Variants in PDZRN4 observed in about 807,000 individuals in gnomAD.
The protein encoded by PDZRN4 is PDZ domain containing ring finger 4, also known as PDZ domain-containing RING finger protein 4.
PDZRN4 carries 70 observed loss-of-function variants against 99.0 expected under a neutral mutation model. The ratio of observed to expected loss-of-function variants is 0.71; its 90% confidence interval spans 0.58 to 0.86. PDZRN4 has a LOEUF of 0.86. Among genes scored for constraint, PDZRN4 ranks in the 40% least tolerant of loss-of-function variants. PDZRN4 has a pLI of 0.00. For missense variants in PDZRN4, 1,474 were observed against 1,331.2 expected (o/e 1.11, Z -1.67); for synonymous variants, 551 against 501.6 (o/e 1.10, Z -1.32).
At position 41,567,825 on chromosome 12, in the gene PDZRN4, G is replaced by C. The variant is rs761677318; in HGVS notation, c.1510G>C (p.Glu504Gln). The C allele has an allele frequency of 6.2e-7, 1 of 1,613,554 alleles. No individual in the cohort carries two copies. Among genetic ancestry groups the C allele is most frequent in the Non-Finnish European group, 8.5e-7 (1 of 1,179,668 alleles). Residue 504 changes from glutamate to glutamine, a missense_variant, in exon 9 of 10, where the codon GAG (glutamate) becomes CAG (glutamine). Coordinates refer to ENST00000402685, the MANE Select transcript of PDZRN4 (RefSeq NM_001164595.2). ...WLEDERNEFL[E>Q]ELNLEMLEEE... ...GGAAGATGAAAGGAATGAATTCTTA[G>C]AGGAGTTAAACTTGGAGATGTTGGA...
At chr12:41,304,748 A>G (rs141516473) in intron 3 of PDZRN4, among the ~76,000 whole-genome samples, 1 of 152,338 alleles carries the variant, frequency 6.6e-6, no homozygotes, top group African/African-American at 2.4e-5. Flanking sequence ...CAAACAAATC[A>G]TTTCAATAGA....
chr12:41,567,717 A>G, intron 8 of PDZRN4, 66 bp from the exon 9 acceptor site: 2 of 962,646 alleles, frequency 2.1e-6, no homozygotes, highest in East Asian at 2.7e-5. Context: ...CGGCCATTTA[A>G]GTTTACTCTA....
intron 3 of PDZRN4, among the ~76,000 whole-genome samples, chr12:41,389,940 G>A (rs1388890150): frequency 6.6e-6 from 1 of 152,138 alleles, no homozygotes; most frequent in Admixed American, 6.6e-5. Flanking sequence ...CCAGTCTTAA[G>A]CACTTTGGGA....
chr12:41,481,410 C>T lies in PDZRN4; in HGVS notation c.844-25046C>T, dbSNP rs565883835. Among the ~76,000 whole-genome samples the T allele has an allele frequency of 4.6e-3, 702 of 152,210 alleles. 8 individuals carry two copies. Among genetic ancestry groups the T allele is most frequent in the African/African-American group, 0.016 (665 of 41,548 alleles). Reference sequence around the variant, plus strand: ...ACTTCTTTGCTCAAAACCCTCCTGCCAAACAACCAAGTCCAGCTTATTAAC... The same window carrying T: ...ACTTCTTTGCTCAAAACCCTCCTGCTAAACAACCAAGTCCAGCTTATTAAC... On this transcript the variant is annotated intron_variant, in intron 3 of 9. Transcript: ENST00000402685.
chr12:41,539,071 A>T (rs553627132), intron 5 of PDZRN4, among the ~76,000 whole-genome samples: 1 of 152,014 alleles, frequency 6.6e-6, no homozygotes, highest in African/African-American at 2.4e-5. Context: ...TGCACATGCA[A>T]TTATGCCAAT....
At chr12:41,557,085 A>C (rs1180218059) in intron 7 of PDZRN4, among the ~76,000 whole-genome samples, 4 of 138,222 alleles carry the variant, frequency 2.9e-5, no homozygotes, top group Non-Finnish European at 6.1e-5. Flanking sequence ...CGGGAGACAG[A>C]GGTTGCAGTG....
At chr12:41,410,244 G>T (rs12318761) in intron 3 of PDZRN4, among the ~76,000 whole-genome samples, 1 of 151,998 alleles carries the variant, frequency 6.6e-6, no homozygotes, top group East Asian at 1.9e-4. Flanking sequence ...GTCATGTCTC[G>T]CCTTCTTTAG....
intron 3 of PDZRN4, chr12:41,459,942 T>A: frequency 3.2e-6 from 4 of 1,268,176 alleles, no homozygotes; most frequent in Non-Finnish European, 4.1e-6. Flanking sequence ...AAAATGACCT[T>A]TGTTTCAGGA....
chr12:41,379,382 T>C (rs971508958), intron 3 of PDZRN4, among the ~76,000 whole-genome samples: 1 of 150,268 alleles, frequency 6.7e-6, no homozygotes, highest in Non-Finnish European at 1.5e-5. Flanking sequence ...TAATAAATAA[T>C]ACTTTATTTT....
At chr12:41,217,415 T>G (rs1404597761) in intron 3 of PDZRN4, among the ~76,000 whole-genome samples, 1 of 152,026 alleles carries the variant, frequency 6.6e-6, no homozygotes, top group Non-Finnish European at 1.5e-5. Context: ...TGCAACCTGG[T>G]CCTGCTCTAA....
At chr12:41,214,883 G>GA (rs545103090) in intron 3 of PDZRN4, among the ~76,000 whole-genome samples, 28 of 151,914 alleles carry the variant, frequency 1.8e-4, no homozygotes, top group African/African-American at 6.0e-4. Context: ...CTGTTTGAGA[G>GA]AAAAAAATGT....
At chr12:41,322,029 A>G (rs1951681511) in intron 3 of PDZRN4, among the ~76,000 whole-genome samples, 1 of 151,862 alleles carries the variant, frequency 6.6e-6, no homozygotes, top group Admixed American at 6.6e-5. Context: ...AGATTTCCTC[A>G]ATTTTTGTTT....
chr12:41,367,489 A>G (rs954344598), intron 3 of PDZRN4, among the ~76,000 whole-genome samples: 14 of 152,104 alleles, frequency 9.2e-5, no homozygotes, highest in African/African-American at 3.4e-4. Flanking sequence ...AGCCTGGGTG[A>G]CAGAGCAAGA....
At chr12:41,213,688 G>A (rs1022472579) in intron 3 of PDZRN4, among the ~76,000 whole-genome samples, 1 of 152,096 alleles carries the variant, frequency 6.6e-6, no homozygotes, top group African/African-American at 2.4e-5. Flanking sequence ...TTTAAGTGAT[G>A]TCCTGATGAC....
intron 3 of PDZRN4, among the ~76,000 whole-genome samples, chr12:41,458,629 C>G (rs1413372635): frequency 6.6e-6 from 1 of 152,144 alleles, no homozygotes; most frequent in Admixed American, 6.5e-5. Context: ...AAGTAAGGAG[C>G]TTTGCACGGC....
intron 3 of PDZRN4, among the ~76,000 whole-genome samples, chr12:41,438,918 A>C (rs1952654475): frequency 6.6e-6 from 1 of 152,172 alleles, no homozygotes; most frequent in African/African-American, 2.4e-5. Flanking sequence ...GTTCTTAGAC[A>C]AGATTGCTGA....
At chr12:41,346,801 A>G (rs1022899219) in intron 3 of PDZRN4, among the ~76,000 whole-genome samples, 2 of 152,118 alleles carry the variant, frequency 1.3e-5, no homozygotes, top group African/African-American at 4.8e-5. Flanking sequence ...ACCCCATACT[A>G]TTAGCTGTCA....
At chr12:41,295,399 A>G (rs1382116569) in intron 3 of PDZRN4, among the ~76,000 whole-genome samples, 2 of 152,190 alleles carry the variant, frequency 1.3e-5, no homozygotes, top group African/African-American at 2.4e-5. Flanking sequence ...CTCAAAGATA[A>G]AATTACTAAG....
chr12:41,344,503 TA>T (rs913168725), intron 3 of PDZRN4, among the ~76,000 whole-genome samples: 16 of 151,846 alleles, frequency 1.1e-4, no homozygotes, highest in African/African-American at 3.9e-4. Context: ...AATGTATTCT[TA>T]AACTATCTCT....
Sources: gnomAD v4.1 joint callset for allele counts (sites outside exome capture counted in the v4.1 genomes callset) on GRCh38, gnomAD v4.1.1 for gene constraint, MANE v1.5 for transcripts, NCBI Gene and HGNC (gene_info 2026-07-23, HGNC 2026-07-21) for gene names.